Variants in TEAD4 observed in about 807,000 individuals in gnomAD.
TEAD4 encodes the protein transcriptional enhancer factor TEF-3.
TEAD4 carries 36 observed loss-of-function variants against 52.4 expected under a neutral mutation model. The ratio of observed to expected loss-of-function variants is 0.69; its 90% CI spans 0.53 to 0.91. TEAD4 has a LOEUF of 0.91. Among genes scored for constraint, TEAD4 ranks in the 40% least tolerant of loss-of-function variants. The probability of loss-of-function intolerance (pLI) is 0.00; values close to 1 mark genes in which losing one functional copy is unlikely to be tolerated. For synonymous variants in TEAD4, 220 were observed against 231.0 expected (o/e 0.95, Z 0.43); for missense variants, 508 against 583.9 (o/e 0.87, Z 1.34).
intron 10 of TEAD4, among the ~76,000 whole-genome samples, chr12:3,030,763 C>A (rs1009735657): frequency 6.6e-6 from 1 of 152,030 alleles, no homozygotes; most frequent in Non-Finnish European, 1.5e-5. Flanking sequence ...TCGAAGGGGT[C>A]GGCAGTCGCT....
At chr12:3,022,852 G>A (rs978271738) in intron 10 of TEAD4, among the ~76,000 whole-genome samples, 3 of 152,104 alleles carry the variant, frequency 2.0e-5, no homozygotes, top group Non-Finnish European at 4.4e-5. Flanking sequence ...GGCTCTGCCC[G>A]CATCCCTCTT....
At chr12:3,002,464 C>G (rs1053825027) in intron 3 of TEAD4, among the ~76,000 whole-genome samples, 2 of 152,194 alleles carry the variant, frequency 1.3e-5, no homozygotes, top group African/African-American at 4.8e-5. Flanking sequence ...GTTTACATTC[C>G]CGCCAGCAAT....
chr12:2,971,966 T>A (rs887182633), intron 2 of TEAD4, among the ~76,000 whole-genome samples: 1 of 150,094 alleles, frequency 6.7e-6, no homozygotes, highest in Non-Finnish European at 1.5e-5. Context: ...GCACGTGTCA[T>A]GATGCCCGGC....
Position 2,994,892 on chromosome 12 carries a change from G to C in TEAD4, c.126G>C (p.Val42=). Reference sequence around the variant, plus strand: ...CCATCGACAATGACGCAGAGGGCGTGTGGAGCCCGGATATTGAGCAGAGTT... The same window carrying C: ...CCATCGACAATGACGCAGAGGGCGTCTGGAGCCCGGATATTGAGCAGAGTT... The change falls in exon 3 of 13, where the codon GTG becomes GTC. Residue 42 remains valine (V), a synonymous_variant. Transcript: ENST00000359864. This position sits in a 1 kb window ranked among gnomAD's most constrained non-coding sequence, Gnocchi z 4.7. 6.2e-7 allele frequency: 1 copy of C among 1,614,182 alleles called. No homozygotes were observed.
intron 2 of TEAD4, among the ~76,000 whole-genome samples, chr12:2,984,961 C>T (rs1391071919): frequency 1.3e-5 from 2 of 152,146 alleles, no homozygotes; most frequent in Non-Finnish European, 1.5e-5. Context: ...ACTGATACTA[C>T]TGTAGACTTT....
intron 10 of TEAD4, among the ~76,000 whole-genome samples, chr12:3,032,026 A>G (rs1423775821): frequency 4.6e-5 from 7 of 152,226 alleles, no homozygotes; most frequent in Non-Finnish European, 1.5e-5. Flanking sequence ...GAGCAGACTT[A>G]GCTCTGTGCA....
chr12:3,015,085 C>A (rs565504109), intron 5 of TEAD4, among the ~76,000 whole-genome samples: 2 of 148,458 alleles, frequency 1.3e-5, no homozygotes, highest in Admixed American at 6.7e-5. Context: ...AGAGCAAAGC[C>A]CAAGTTTGGC....
Position 2,959,561 on chromosome 12 carries a change from C to T in TEAD4, c.-123+80C>T, listed in dbSNP as rs1467790061. ...CCACGCCGCCGCAGCCGACCGCTCG[C>T]GCCGCGTGCTCGGCTGCTCTTTTCT... On this transcript the variant is annotated intron_variant, in intron 1 of 12. Transcript: ENST00000359864. The surrounding 1 kb of genome is among the most constrained non-coding windows in gnomAD (Gnocchi z 5.1). 2 of 149,946 alleles carry T rather than the reference C, an allele frequency of 1.3e-5. No individual in the cohort carries two copies. The highest frequency in any genetic ancestry group is 4.9e-5 in the African/African-American group (2 of 41,086). 9.3% of individuals were successfully genotyped at this position (149,946 alleles called of 1,614,324 possible).
At chr12:2,979,211 C>T (rs369483030) in intron 2 of TEAD4, among the ~76,000 whole-genome samples, 226 of 152,286 alleles carry the variant, frequency 1.5e-3, no homozygotes, top group Non-Finnish European at 2.7e-3. Context: ...CCACCGCGCC[C>T]GGTCTCATTC....
intron 10 of TEAD4, among the ~76,000 whole-genome samples, chr12:3,033,177 C>G (rs1442579976): frequency 6.6e-6 from 1 of 152,200 alleles, no homozygotes; most frequent in African/African-American, 2.4e-5. Context: ...CGTCTCCAGT[C>G]CAGCCTCCCT....
chr12:3,032,216 G>A (rs993989979), intron 10 of TEAD4, among the ~76,000 whole-genome samples: 1 of 152,218 alleles, frequency 6.6e-6, no homozygotes, highest in Non-Finnish European at 1.5e-5. Context: ...TGACTCTTAG[G>A]GGAGTTTGGA....
chr12:3,029,096 T>G (rs2098273841), intron 10 of TEAD4, among the ~76,000 whole-genome samples: 1 of 152,028 alleles, frequency 6.6e-6, no homozygotes, highest in Non-Finnish European at 1.5e-5. Context: ...AGAGACAGGG[T>G]CTTGCTGTGT....
At chr12:2,968,077 G>A (rs1239789681) in intron 2 of TEAD4, among the ~76,000 whole-genome samples, 1 of 137,038 alleles carries the variant, frequency 7.3e-6, no homozygotes, top group Non-Finnish European at 1.5e-5. Context: ...TCTCAAACAT[G>A]TGGGTCTTTT....
At chr12:3,005,493 T>A (rs2098255120) in intron 3 of TEAD4, among the ~76,000 whole-genome samples, 1 of 150,518 alleles carries the variant, frequency 6.6e-6, no homozygotes, top group Admixed American at 6.6e-5. Context: ...TTTTTATTTA[T>A]TTTGTTTGTT....
At position 3,018,552 on chromosome 12, in the gene TEAD4, A is replaced by T. The variant is rs987214567; in HGVS notation, c.491A>T (p.Gln164Leu). Residue 164 changes from glutamine (Q) to leucine (L), a missense_variant, in exon 7 of 13, where the codon CAA becomes CTA. Gln to Leu is a moderately radical substitution (Grantham distance 113). Coordinates refer to ENST00000359864, the MANE Select transcript of TEAD4 (RefSeq NM_003213.4). ...TGCCTTTTGCCTCCTCAGTTTTGGC[A>T]AGGAGCTTTGCCAGGCCAAGCCGGA... is the stretch of plus-strand genomic sequence containing the variant. The T allele has an allele frequency of 2.5e-5, 41 of 1,613,966 alleles. No homozygotes were observed. Among genetic ancestry groups the T allele is most frequent in the Non-Finnish European group, 3.4e-5 (40 of 1,179,972 alleles).
chr12:2,977,674 G>A (rs753893253), intron 2 of TEAD4, among the ~76,000 whole-genome samples: 2 of 152,204 alleles, frequency 1.3e-5, no homozygotes, highest in Admixed American at 1.3e-4. Context: ...GCTGTGCAAC[G>A]TAGCTGGTGA....
At chr12:3,004,306 C>T (rs954985805) in intron 3 of TEAD4, among the ~76,000 whole-genome samples, 1 of 152,226 alleles carries the variant, frequency 6.6e-6, no homozygotes, top group African/African-American at 2.4e-5. Flanking sequence ...ACTCTCGAAG[C>T]ACTGGGGCAG....
chr12:3,010,385 C>G (rs961126850), intron 3 of TEAD4, among the ~76,000 whole-genome samples: 1 of 152,254 alleles, frequency 6.6e-6, no homozygotes, highest in Non-Finnish European at 1.5e-5. Context: ...AGTGCTCAAC[C>G]TTCCTTGTTG....
chr12:3,036,399 G>A (rs2098279470), intron 10 of TEAD4, among the ~76,000 whole-genome samples: 1 of 152,166 alleles, frequency 6.6e-6, no homozygotes, highest in Non-Finnish European at 1.5e-5. Flanking sequence ...GAAAGGTCCT[G>A]CTCTGGGAAA....
Sources: gnomAD v4.1 joint callset for allele counts (sites outside exome capture counted in the v4.1 genomes callset) on GRCh38, gnomAD v4.1.1 for gene constraint, Gnocchi (gnomAD v3.1) non-coding constraint, MANE v1.5 for transcripts, NCBI Gene and HGNC (gene_info 2026-07-23, HGNC 2026-07-21) for gene names.